The following GRAMD1C variants were observed in gnomAD, a reference collection of about 807,000 sequenced individuals.
GRAMD1C encodes the protein GRAM domain containing 1C.
Under a neutral mutation model 97.8 loss-of-function variants are expected in GRAMD1C, and 89 were observed. The ratio of observed to expected loss-of-function variants is 0.91; its 90% CI spans 0.77 to 1.09. GRAMD1C has a LOEUF of 1.09. Among genes scored for constraint, GRAMD1C ranks in the 50% least tolerant of loss-of-function variants. The pLI is 0.00. For synonymous variants in GRAMD1C, 256 were observed against 267.0 expected (o/e 0.96, Z 0.40); for missense variants, 740 against 766.4 (o/e 0.97, Z 0.41).
intron 11 of GRAMD1C, among the ~76,000 whole-genome samples, chr3:113,932,909 G>A (rs1370987693): frequency 6.9e-6 from 1 of 143,930 alleles, no homozygotes; most frequent in Non-Finnish European, 1.5e-5. Flanking sequence ...TTGAGACAGA[G>A]TCTTGCTGTG....
In GRAMD1C at chr3:113,919,567, G is replaced by T. The variant is rs893960048; in HGVS notation, c.1090+3729G>T. The T allele has an allele frequency of 1.1e-5, 6 of 565,072 alleles. No homozygotes were observed. In the African/African-American group the frequency reaches 1.1e-4, roughly 11 times the overall value. 35.0% of individuals were successfully genotyped at this position (565,072 alleles called of 1,614,324 possible). A position where few individuals can be genotyped will look rare whatever the true frequency, so the allele number is the denominator to read the frequency against. On this transcript the variant is annotated intron_variant, in intron 10 of 17. Transcript: ENST00000358160. ...ATTTTGAGTTTATGCAAGTTAAAAA[G>T]CCATATGCATCTGACATCGGTGCCA...
At chr3:113,890,687 A>G (rs1158976729) in intron 6 of GRAMD1C, 2 of 685,334 alleles carry the variant, frequency 2.9e-6, no homozygotes. Flanking sequence ...CACCAGCGAC[A>G]TCGCAGACTA....
intron 9 of GRAMD1C, among the ~76,000 whole-genome samples, chr3:113,909,848 A>G (rs746179138): frequency 4.6e-5 from 7 of 152,246 alleles, no homozygotes; most frequent in Non-Finnish European, 7.4e-5. Context: ...ACAATACTCA[A>G]ATTTCTTTGT....
intron 2 of GRAMD1C, among the ~76,000 whole-genome samples, chr3:113,848,228 A>C (rs1389755309): frequency 6.6e-6 from 1 of 152,186 alleles, no homozygotes; most frequent in African/African-American, 2.4e-5. Flanking sequence ...GGTCATCTTG[A>C]GTATGTTGCA....
rs543195998 is a variant in GRAMD1C, at chr3:113,938,086, G to T, written c.1634G>T (p.Gly545Val). The T allele has an allele frequency of 1.3e-6, 2 of 1,491,246 alleles. No homozygotes were observed. Among genetic ancestry groups the T allele is most frequent in the African/African-American group, 1.4e-5 (1 of 70,766 alleles). The allele number at this position is 1,491,246 out of a possible 1,614,324, so 92.4% of individuals were successfully genotyped here. ...VGLGAKGDIT[G>V]KKKEMENYNV... ...GCAGCCTTTTTCTTGTGATCTACAG[G>T]AAAGAAAAAGGAAATGGAAAACTAT... is the stretch of plus-strand genomic sequence containing the variant. The change falls in exon 15 of 18, where the codon GGA becomes GTA. Residue 545 changes from glycine to valine, a missense_variant and splice_region_variant. Transcript: ENST00000358160.
At chr3:113,837,761 AGTT>A (rs1709661852), upstream of GRAMD1C, among the ~76,000 whole-genome samples, 4 of 152,142 alleles carry the variant, frequency 2.6e-5, no homozygotes, top group African/African-American at 9.7e-5. Flanking sequence ...CAAACAAAGT[AGTT>A]AAGCATGGTG....
intron 10 of GRAMD1C, among the ~76,000 whole-genome samples, chr3:113,918,276 C>G (rs1180622255): frequency 6.6e-6 from 1 of 152,044 alleles, no homozygotes; most frequent in Non-Finnish European, 1.5e-5. Context: ...TTTGTATTTA[C>G]TTGTTAGTCA....
In GRAMD1C at chr3:113,945,931, G is replaced by C. The variant is rs1004036267; in HGVS notation, c.*453G>C. On this transcript the variant is annotated 3_prime_UTR_variant, in exon 18 of 18. Coordinates refer to ENST00000358160, the MANE Select transcript of GRAMD1C (RefSeq NM_017577.5). ...CTCTATGTCATTACTGATTTTAAAGGTTCTGTTTTCAGGCATATAACATTT... is the reference window on the plus strand; with the variant it reads ...CTCTATGTCATTACTGATTTTAAAGCTTCTGTTTTCAGGCATATAACATTT... 6.5e-6 allele frequency: 1 copy of C among 153,202 alleles called. No homozygotes were observed. The highest frequency in any genetic ancestry group is 2.4e-5 in the African/African-American group (1 of 41,426). The allele number at this position is 153,202 out of a possible 1,614,324, so 9.5% of individuals were successfully genotyped here. A position where few individuals can be genotyped will look rare whatever the true frequency, so the allele number is the denominator to read the frequency against.
At chr3:113,877,863 C>T (rs111314625) in intron 5 of GRAMD1C, among the ~76,000 whole-genome samples, 3,264 of 151,990 alleles carry the variant, frequency 0.021, 141 homozygotes, top group African/African-American at 0.075. Flanking sequence ...CTGCAACCTC[C>T]GCCTCCTGGG....
intron 17 of GRAMD1C, 129 bp downstream of exon 17, chr3:113,940,474 C>A: frequency 1.7e-6 from 1 of 589,996 alleles, no homozygotes; most frequent in East Asian, 2.7e-5. Context: ...CCAACTACCC[C>A]TGCCAGTCTC....
intron 6 of GRAMD1C, among the ~76,000 whole-genome samples, chr3:113,887,085 G>GT (rs531763397): frequency 0.034 from 2,438 of 71,344 alleles, 423 homozygotes; most frequent in African/African-American, 0.078. Context: ...TGGCCTTTTT[G>GT]TTTTTTTTTT....
chr3:113,828,935 T>C (rs1559768054), intron 1 of GRAMD1C, among the ~76,000 whole-genome samples: 1 of 152,176 alleles, frequency 6.6e-6, no homozygotes, highest in Non-Finnish European at 1.5e-5. Context: ...ATCACTTCTA[T>C]CACCAGCAGT....
chr3:113,938,854 T>G (rs555349055), intron 15 of GRAMD1C: 4 of 152,308 alleles, frequency 2.6e-5, no homozygotes, highest in African/African-American at 9.6e-5. Context: ...AAGGTGATAA[T>G]TTTTGGATTG....
chr3:113,891,321 A>T (rs1156990410), intron 6 of GRAMD1C, among the ~76,000 whole-genome samples: 2 of 152,190 alleles, frequency 1.3e-5, no homozygotes, highest in Non-Finnish European at 2.9e-5. Flanking sequence ...ATCTATAATA[A>T]CAATGATAGC....
chr3:113,884,559 G>A (rs934710327), intron 6 of GRAMD1C, among the ~76,000 whole-genome samples: 7 of 152,174 alleles, frequency 4.6e-5, no homozygotes, highest in East Asian at 1.9e-4. Flanking sequence ...GAGGCCGGGC[G>A]CGGTGGCTCA....
intron 2 of GRAMD1C, among the ~76,000 whole-genome samples, chr3:113,846,142 T>C (rs1577118545): frequency 7.0e-6 from 1 of 143,600 alleles, no homozygotes; most frequent in Non-Finnish European, 1.5e-5. Context: ...GTTTCGCTCT[T>C]GTCACCCAGG....
At chr3:113,889,086 G>T (rs1935618129) in intron 6 of GRAMD1C, among the ~76,000 whole-genome samples, 1 of 152,164 alleles carries the variant, frequency 6.6e-6, no homozygotes, top group Non-Finnish European at 1.5e-5. Flanking sequence ...TGTAATCCCA[G>T]CTACTCGGGA....
chr3:113,896,524 TGTG>T (rs1559800790), intron 6 of GRAMD1C, among the ~76,000 whole-genome samples: 3 of 152,330 alleles, frequency 2.0e-5, no homozygotes, highest in East Asian at 3.8e-4. Flanking sequence ...AAATATCAGT[TGTG>T]GTACAGTTAA....
chr3:113,848,836 CTGTA>C (rs1427365781), intron 2 of GRAMD1C, among the ~76,000 whole-genome samples: 1 of 152,018 alleles, frequency 6.6e-6, no homozygotes, highest in Non-Finnish European at 1.5e-5. Flanking sequence ...AAATTTAATT[CTGTA>C]TGTGAGAAAT....
Sources: allele counts gnomAD v4.1 joint callset (sites outside exome capture counted in the v4.1 genomes callset), GRCh38; gene constraint gnomAD v4.1.1; transcripts MANE v1.5; gene names NCBI Gene and HGNC (gene_info 2026-07-23, HGNC 2026-07-21).